Variants in PAX2 observed in about 807,000 individuals in gnomAD.
PAX2 encodes the protein paired box 2.
PAX2 carries 9 observed loss-of-function variants against 41.7 expected under a neutral mutation model. That is an observed-to-expected ratio of 0.22 (90% CI 0.13 to 0.38). The LOEUF (loss-of-function observed/expected upper bound fraction) is 0.38, where lower values mean the gene tolerates loss of function less well. Ranked by LOEUF, PAX2 falls within the 10% of genes least tolerant of loss-of-function variation. The probability of loss-of-function intolerance (pLI) is 1.00; values close to 1 mark genes in which losing one functional copy is unlikely to be tolerated. For synonymous variants in PAX2, 221 were observed against 212.7 expected (o/e 1.04, Z -0.34); for missense variants, 418 against 531.6 (o/e 0.79, Z 2.10).
At position 100,746,111 on chromosome 10, in the gene PAX2, G is replaced by GCCCCCC; in HGVS notation, c.-149_-144dup. On this transcript the variant is annotated 5_prime_UTR_variant, in exon 1 of 10. Coordinates refer to ENST00000355243, the MANE Select transcript of PAX2 (RefSeq NM_000278.5). The stretch of plus-strand genomic sequence containing the variant: ...GCCCCAGCGGGGAGCGCAGTGCTGC[G>GCCCCCC]CCCCCCGCCCCCGCGCGCCCCGCAG... 6.5e-7 allele frequency: 1 copy of GCCCCCC among 1,529,752 alleles called. No homozygotes were observed. Among genetic ancestry groups the GCCCCCC allele is most frequent in the Non-Finnish European group, 8.8e-7 (1 of 1,142,846 alleles). 94.8% of individuals were successfully genotyped at this position (1,529,752 alleles called of 1,614,324 possible). A position where few individuals can be genotyped will look rare whatever the true frequency, so the allele number is the denominator to read the frequency against.
At chr10:100,773,588 A>G (rs1257789368) in intron 3 of PAX2, among the ~76,000 whole-genome samples, 1 of 152,238 alleles carries the variant, frequency 6.6e-6, no homozygotes, top group Non-Finnish European at 1.5e-5. Context: ...AAGTATACAT[A>G]CATTATATCA....
At chr10:100,789,518 G>A (rs182966846) in intron 5 of PAX2, among the ~76,000 whole-genome samples, 586 of 152,274 alleles carry the variant, frequency 3.8e-3, no homozygotes, top group Non-Finnish European at 6.4e-3. Context: ...TAGGAGACAG[G>A]CCCTATGAAA....
rs533663879 is a variant in PAX2 at position 100,764,768 on chromosome 10, T to A, written c.410+13877T>A. On this transcript the variant is annotated intron_variant, in intron 3 of 9. Transcript: ENST00000355243. The stretch of plus-strand genomic sequence containing the variant: ...GCTTGAGGAATTCAAGGTTGGCATT[T>A]TCTAGGCTTCATGGCATTTTCGTAG... Among the ~76,000 whole-genome samples the A allele has an allele frequency of 2.5e-3, 386 of 152,260 alleles. 1 individual carries two copies. Among genetic ancestry groups the A allele is most frequent in the African/African-American group, 8.5e-3 (355 of 41,544 alleles).
At chr10:100,749,529 G>A (rs2133832727) in intron 1 of PAX2, 1 of 1,340,978 alleles carries the variant, frequency 7.5e-7, no homozygotes, top group Non-Finnish European at 9.5e-7. Flanking sequence ...GGCCTGAGTC[G>A]CCCTCTCGCC....
At chr10:100,741,745 G>A (rs1564701191), upstream of PAX2, among the ~76,000 whole-genome samples, 3 of 152,212 alleles carry the variant, frequency 2.0e-5, no homozygotes, top group Admixed American at 1.3e-4. Flanking sequence ...CTGCAGCTCT[G>A]TTCTCCCTCT....
Position 100,824,428 on chromosome 10 carries a change from CAG to C in PAX2, c.920-216_920-215del, listed in dbSNP as rs1189586032. Among the ~76,000 whole-genome samples the C allele has an allele frequency of 6.6e-6, 1 of 150,424 alleles. No individual in the cohort carries two copies. The highest frequency in any genetic ancestry group is 1.5e-5 in the Non-Finnish European group (1 of 67,702). On this transcript the variant is annotated intron_variant, in intron 7 of 9. Coordinates refer to ENST00000355243, the MANE Select transcript of PAX2 (RefSeq NM_000278.5). This position sits in a 1 kb window ranked among gnomAD's most constrained non-coding sequence, Gnocchi z 6.6. ...CAGAGACACAAAGAGCTACACAAAACAGAGATGCGTACACACAGCTGATCATA... is the reference window on the plus strand; with the variant it reads ...CAGAGACACAAAGAGCTACACAAAACAGATGCGTACACACAGCTGATCATA...
intron 3 of PAX2, among the ~76,000 whole-genome samples, chr10:100,772,119 T>G (rs1232171849): frequency 1.3e-5 from 2 of 151,798 alleles, no homozygotes; most frequent in South Asian, 4.2e-4. Context: ...ATATCCTTTT[T>G]AATATCTTTT....
chr10:100,763,074 TCC>T (rs925690400), intron 3 of PAX2, among the ~76,000 whole-genome samples: 8 of 152,216 alleles, frequency 5.3e-5, no homozygotes, highest in African/African-American at 1.7e-4. Flanking sequence ...AGCAACCCAT[TCC>T]CAGAACACTG....
chr10:100,742,172 C>T (rs937472854), upstream of PAX2, among the ~76,000 whole-genome samples: 2 of 152,178 alleles, frequency 1.3e-5, no homozygotes, highest in Non-Finnish European at 2.9e-5. Flanking sequence ...AACTGGAAAC[C>T]GGAAAACAGG....
At chr10:100,802,796 T>C (rs1036063388) in intron 5 of PAX2, among the ~76,000 whole-genome samples, 2 of 152,158 alleles carry the variant, frequency 1.3e-5, no homozygotes, top group African/African-American at 4.8e-5. Context: ...TGGTGTCTAA[T>C]CACTCACGCG....
chr10:100,812,012 C>T, intron 7 of PAX2, among the ~76,000 whole-genome samples: 1 of 152,338 alleles, frequency 6.6e-6, no homozygotes, highest in African/African-American at 2.4e-5. Context: ...AGCTATTCCA[C>T]AAGGTCAGGA....
At chr10:100,796,144 A>G (rs759857409) in intron 5 of PAX2, among the ~76,000 whole-genome samples, 1 of 152,224 alleles carries the variant, frequency 6.6e-6, no homozygotes, top group African/African-American at 2.4e-5. Flanking sequence ...AGTGCAATAC[A>G]TGCTCATTGG....
At chr10:100,754,566 T>TTAACACATTTG (rs1222198553) in intron 3 of PAX2, among the ~76,000 whole-genome samples, 1 of 152,244 alleles carries the variant, frequency 6.6e-6, no homozygotes, top group Non-Finnish European at 1.5e-5. Context: ...AATTCCATCC[T>TTAACACATTTG]GTATCATTTG....
intron 3 of PAX2, among the ~76,000 whole-genome samples, chr10:100,767,670 C>T (rs1163787491): frequency 6.6e-6 from 1 of 152,144 alleles, no homozygotes; most frequent in Non-Finnish European, 1.5e-5. Flanking sequence ...TTTCCAGCAA[C>T]AGCACAAGTC....
chr10:100,755,832 G>A (rs1845606198), intron 3 of PAX2, among the ~76,000 whole-genome samples: 1 of 152,192 alleles, frequency 6.6e-6, no homozygotes, highest in African/African-American at 2.4e-5. Flanking sequence ...AGTGGAGATG[G>A]GGCCAAACAG....
intron 5 of PAX2, among the ~76,000 whole-genome samples, chr10:100,793,833 A>G (rs946322183): frequency 9.9e-5 from 15 of 152,118 alleles, no homozygotes; most frequent in African/African-American, 3.4e-4. Context: ...CCAGGTGCCC[A>G]GTGTGTTGGG....
intron 7 of PAX2, among the ~76,000 whole-genome samples, chr10:100,816,687 C>T (rs1185845054): frequency 4.6e-5 from 7 of 152,180 alleles, no homozygotes; most frequent in Non-Finnish European, 1.0e-4. Context: ...TAGCTGTAGC[C>T]TCAGGACAAA....
chr10:100,826,780 C>T lies in PAX2; in HGVS notation c.1022-229C>T, dbSNP rs887975700. Among the ~76,000 whole-genome samples, 2 of 152,210 alleles carry T rather than the reference C, an allele frequency of 1.3e-5. No homozygotes were observed. The highest frequency in any genetic ancestry group is 2.4e-5 in the African/African-American group (1 of 41,470). ...GGCGGGCACCGGCCCACAGGTCCCG[C>T]CCGTGGGTGTGCGAGCGCGTCGGTG... On this transcript the variant is annotated intron_variant, in intron 8 of 9. Coordinates refer to ENST00000355243, the MANE Select transcript of PAX2 (RefSeq NM_000278.5). This position sits in a 1 kb window ranked among gnomAD's most constrained non-coding sequence, Gnocchi z 5.5.
chr10:100,804,087 A>G (rs1218337115), intron 5 of PAX2, among the ~76,000 whole-genome samples: 3 of 152,110 alleles, frequency 2.0e-5, no homozygotes, highest in Non-Finnish European at 4.4e-5. Context: ...CTGCCACCAG[A>G]TCAGGCAATC....
Sources: allele counts gnomAD v4.1 joint callset (sites outside exome capture counted in the v4.1 genomes callset), GRCh38; gene constraint gnomAD v4.1.1; non-coding constraint Gnocchi (gnomAD v3.1); transcripts MANE v1.5; gene names NCBI Gene and HGNC (gene_info 2026-07-23, HGNC 2026-07-21).